HS3ST2: variants seen among roughly 807,000 people sequenced by gnomAD.
The protein encoded by HS3ST2 is heparan sulfate glucosamine 3-O-sulfotransferase 2.
A neutral mutation model predicts 26.3 loss-of-function variants in HS3ST2; 17 were observed. The ratio of observed to expected loss-of-function variants is 0.65; its 90% confidence interval spans 0.44 to 0.97. HS3ST2 has a LOEUF of 0.97. Among genes scored for constraint, HS3ST2 ranks in the 50% least tolerant of loss-of-function variants. HS3ST2 has a pLI of 0.00. For missense variants in HS3ST2, 402 were observed against 501.2 expected (o/e 0.80, Z 1.89); for synonymous variants, 237 against 219.2 (o/e 1.08, Z -0.72).
intron 1 of HS3ST2, among the ~76,000 whole-genome samples, chr16:22,869,517 G>GGC (rs1901802754): frequency 4.6e-5 from 7 of 152,174 alleles, no homozygotes; most frequent in Non-Finnish European, 1.0e-4. Context: ...TGGACTTACA[G>GGC]TTCCACATGG....
In HS3ST2 at chr16:22,814,598, G is replaced by A. The variant is rs1312422113; in HGVS notation, c.-13G>A. 2.0e-6 allele frequency: 3 copies of A among 1,515,596 alleles called. No homozygotes were observed. The highest frequency in any genetic ancestry group is 2.5e-5 in the South Asian group (2 of 81,292). 93.9% of individuals were successfully genotyped at this position (1,515,596 alleles called of 1,614,324 possible). A position where few individuals can be genotyped will look rare whatever the true frequency, so the allele number is the denominator to read the frequency against. ...CTCGGAAACCATGACCCCCGGCGCG[G>A]GCCCATGGAGCCATGGCCTATAGGG... On this transcript the variant is annotated 5_prime_UTR_variant, in exon 1 of 2. Coordinates refer to ENST00000261374, the MANE Select transcript of HS3ST2 (RefSeq NM_006043.2).
intron 1 of HS3ST2, among the ~76,000 whole-genome samples, chr16:22,840,143 C>CATCAAAGG (rs1419619479): frequency 6.6e-6 from 1 of 152,188 alleles, no homozygotes; most frequent in Non-Finnish European, 1.5e-5. Context: ...TGACAGGCAC[C>CATCAAAGG]TGACTTACAA....
intron 1 of HS3ST2, among the ~76,000 whole-genome samples, chr16:22,884,470 T>C (rs1418434281): frequency 1.3e-5 from 2 of 152,108 alleles, no homozygotes; most frequent in African/African-American, 4.8e-5. Context: ...TTTGCGGGAC[T>C]CTCCGTAACT....
chr16:22,822,958 G>A (rs566619175), intron 1 of HS3ST2, among the ~76,000 whole-genome samples: 3 of 152,100 alleles, frequency 2.0e-5, no homozygotes, highest in South Asian at 2.1e-4. Context: ...TTTCTACCTC[G>A]TCTTTCAGCC....
chr16:22,913,954 C>G (rs925489467), intron 1 of HS3ST2, among the ~76,000 whole-genome samples: 2 of 152,006 alleles, frequency 1.3e-5, no homozygotes, highest in Non-Finnish European at 2.9e-5. Flanking sequence ...CTGGGCAACA[C>G]AGTGAGACCC....
intron 1 of HS3ST2, among the ~76,000 whole-genome samples, chr16:22,887,753 C>T (rs1279245832): frequency 6.7e-6 from 1 of 149,616 alleles, no homozygotes; most frequent in Non-Finnish European, 1.5e-5. Context: ...TTGAGACCAG[C>T]CTGGGCAATA....
At chr16:22,865,968 G>A (rs889839581) in intron 1 of HS3ST2, among the ~76,000 whole-genome samples, 1 of 152,192 alleles carries the variant, frequency 6.6e-6, no homozygotes, top group African/African-American at 2.4e-5. Flanking sequence ...ATTAGGCATT[G>A]ATGGAAGTCA....
In HS3ST2 at chr16:22,833,305, G is replaced by A. The variant is rs775471822; in HGVS notation, c.485+18210G>A. The A allele has an allele frequency of 1.5e-4, 70 of 456,008 alleles. 1 individual carries two copies. The highest frequency in any genetic ancestry group is 9.8e-4 in the South Asian group (63 of 64,544). 28.2% of individuals were successfully genotyped at this position (456,008 alleles called of 1,614,324 possible). ...CTCAGACACTACCTGTGTGGTTGTC[G>A]GTGCACACACTTGGGTGATTGTGCT... On this transcript the variant is annotated intron_variant, in intron 1 of 1. Coordinates refer to ENST00000261374, the MANE Select transcript of HS3ST2 (RefSeq NM_006043.2).
chr16:22,843,573 A>G (rs1901389808), intron 1 of HS3ST2, among the ~76,000 whole-genome samples: 1 of 152,206 alleles, frequency 6.6e-6, no homozygotes, highest in African/African-American at 2.4e-5. Flanking sequence ...CTTTTAAATG[A>G]TGCAAATAAA....
intron 1 of HS3ST2, among the ~76,000 whole-genome samples, chr16:22,867,332 G>A (rs1317248558): frequency 6.6e-6 from 1 of 152,110 alleles, no homozygotes; most frequent in Non-Finnish European, 1.5e-5. Context: ...AATTTTCTAA[G>A]CATGGCACCA....
chr16:22,839,238 T>C (rs1901317618), intron 1 of HS3ST2, among the ~76,000 whole-genome samples: 1 of 152,184 alleles, frequency 6.6e-6, no homozygotes, highest in Non-Finnish European at 1.5e-5. Context: ...CCAGACGGGA[T>C]GGGGCAGGAC....
chr16:22,910,482 A>C (rs1017498463), intron 1 of HS3ST2, among the ~76,000 whole-genome samples: 2 of 152,226 alleles, frequency 1.3e-5, no homozygotes, highest in Admixed American at 6.5e-5. Context: ...TAATATATCC[A>C]GATTTCTAAG....
At chr16:22,888,201 T>C (rs1380135723) in intron 1 of HS3ST2, among the ~76,000 whole-genome samples, 1 of 152,118 alleles carries the variant, frequency 6.6e-6, no homozygotes, top group Non-Finnish European at 1.5e-5. Context: ...CTTGTCTCTG[T>C]GTCTGCTTTT....
At chr16:22,875,922 G>A (rs527682607) in intron 1 of HS3ST2, among the ~76,000 whole-genome samples, 1 of 152,300 alleles carries the variant, frequency 6.6e-6, no homozygotes, top group African/African-American at 2.4e-5. Flanking sequence ...ATTCAGGACA[G>A]CAACATGCTG....
intron 1 of HS3ST2, among the ~76,000 whole-genome samples, chr16:22,857,245 A>G (rs1050851736): frequency 2.0e-5 from 3 of 152,214 alleles, no homozygotes; most frequent in Non-Finnish European, 2.9e-5. Context: ...ATAATTTTAA[A>G]CACAAGTCAG....
chr16:22,856,970 T>C (rs1901605009), intron 1 of HS3ST2, among the ~76,000 whole-genome samples: 1 of 152,192 alleles, frequency 6.6e-6, no homozygotes, highest in Admixed American at 6.5e-5. Flanking sequence ...GTAATCTCAA[T>C]GGCAATCCTT....
At chr16:22,883,294 C>T (rs1767254797) in intron 1 of HS3ST2, among the ~76,000 whole-genome samples, 1 of 152,198 alleles carries the variant, frequency 6.6e-6, no homozygotes, top group Non-Finnish European at 1.5e-5. Context: ...GCAACTCAGT[C>T]TGAGGGTTTA....
intron 1 of HS3ST2, among the ~76,000 whole-genome samples, chr16:22,862,842 T>C (rs1053901111): frequency 5.3e-5 from 8 of 152,238 alleles, no homozygotes; most frequent in African/African-American, 1.9e-4. Context: ...ATGGGCAGGA[T>C]CTGGGTCTGT....
chr16:22,905,578 A>G (rs1902341565), intron 1 of HS3ST2, among the ~76,000 whole-genome samples: 1 of 152,126 alleles, frequency 6.6e-6, no homozygotes, highest in African/African-American at 2.4e-5. Flanking sequence ...CCAAGATTAA[A>G]GCCTTGTCTT....
Sources: allele counts gnomAD v4.1 joint callset (sites outside exome capture counted in the v4.1 genomes callset), GRCh38; gene constraint gnomAD v4.1.1; transcripts MANE v1.5; gene names NCBI Gene and HGNC (gene_info 2026-07-23, HGNC 2026-07-21).